Variants in KIAA1191 observed in about 807,000 individuals in gnomAD.
The protein encoded by KIAA1191 is KIAA1191, also known as putative monooxygenase p33MONOX.
In KIAA1191, 22 loss-of-function variants were observed where a neutral mutation model predicts 31.1. The observed-to-expected ratio is 0.71, with a 90% CI of 0.51 to 1.01. KIAA1191 has a LOEUF of 1.01. Ranked by LOEUF, KIAA1191 falls within the 50% of genes least tolerant of loss-of-function variation. KIAA1191 has a pLI of 0.00. For synonymous variants in KIAA1191, 130 were observed against 143.9 expected (o/e 0.90, Z 0.69); for missense variants, 319 against 388.0 (o/e 0.82, Z 1.49).
chr5:176,355,733 C>A lies in KIAA1191; in HGVS notation c.45G>T (p.Ala15=). 1.9e-6 allele frequency: 3 copies of A among 1,613,998 alleles called. No individual in the cohort carries two copies. Among genetic ancestry groups the A allele is most frequent in the South Asian group, 1.1e-5 (1 of 91,068 alleles). Residue 15 remains alanine (A), a synonymous_variant, in exon 4 of 9, where the codon GCG becomes GCT. Coordinates refer to ENST00000298569, the MANE Select transcript of KIAA1191 (RefSeq NM_020444.5). The surrounding 1 kb of genome is among the most constrained non-coding windows in gnomAD (Gnocchi z 4.2). ...QPEVPALEAS[A]PLGKMSLPIG... is the part of the protein sequence containing the mutation. ...TGGGCAGGGACATCTTGCCTAGAGG[C>A]GCACTAGCCTCAAGAGCTAAGAACA...
intron 1 of KIAA1191, among the ~76,000 whole-genome samples, chr5:176,360,187 C>T (rs1767876687): frequency 7.3e-6 from 1 of 137,160 alleles, no homozygotes; most frequent in South Asian, 2.3e-4. Flanking sequence ...GACGGAGTCT[C>T]ACTCTGTCGC....
At chr5:176,354,935 T>TA (rs1489581367) in intron 4 of KIAA1191, among the ~76,000 whole-genome samples, 1 of 107,564 alleles carries the variant, frequency 9.3e-6, no homozygotes, top group East Asian at 2.7e-4. Flanking sequence ...AGCTAAGACT[T>TA]AAAGGATACC....
Position 176,355,957 on chromosome 5 carries a change from A to C in KIAA1191, c.29-208T>G. 1 of 586,248 alleles carries C rather than the reference A, an allele frequency of 1.7e-6. No individual in the cohort carries two copies. 36.3% of individuals were successfully genotyped at this position (586,248 alleles called of 1,614,324 possible). On this transcript the variant is annotated intron_variant, in intron 3 of 8. Transcript: ENST00000298569. This position sits in a 1 kb window ranked among gnomAD's most constrained non-coding sequence, Gnocchi z 4.2. ...ACACCTTGGGTGGTCCACTTAACCC[A>C]CTCAGCCGTCCTAATCCTTTTTTTT...
At chr5:176,358,772 C>T (rs750296403) in intron 3 of KIAA1191, among the ~76,000 whole-genome samples, 5 of 151,782 alleles carry the variant, frequency 3.3e-5, no homozygotes, top group Non-Finnish European at 5.9e-5. Context: ...TTTGGGAGGC[C>T]GAGGCAGGCA....
At position 176,347,748 on chromosome 5, in the gene KIAA1191, C is replaced by A. The variant is rs202202440; in HGVS notation, c.770G>T (p.Arg257Leu). The A allele has an allele frequency of 1.1e-4, 183 of 1,610,108 alleles. No homozygotes were observed. The highest frequency in any genetic ancestry group is 1.5e-4 in the Non-Finnish European group (174 of 1,178,290). ...TTCAGCCATTCGGTTGGCCTGGGCACGTATCAGTTCCAATGGAGAGGGCTT... is the reference window on the plus strand; with the variant it reads ...TTCAGCCATTCGGTTGGCCTGGGCAAGTATCAGTTCCAATGGAGAGGGCTT... ...AQKPSPLELI[R>L]AQANRMAEDP... is the part of the protein sequence containing the mutation. The change falls in exon 9 of 9, where the codon CGT becomes CTT. Residue 257 changes from arginine (R) to leucine (L), a missense_variant. Physicochemically the swap from Arg to Leu is moderately radical, Grantham distance 102. Transcript: ENST00000298569.
At position 176,350,873 on chromosome 5, in the gene KIAA1191, A is replaced by G. The variant is rs918283537; in HGVS notation, c.335-136T>C. The stretch of plus-strand genomic sequence containing the variant: ...ATTCAAAGAAGAGGAGACTTTCCCC[A>G]GAGAGGCACCACAGCAGTAATTCTG... On this transcript the variant is annotated intron_variant, in intron 5 of 8. Transcript: ENST00000298569. 5 of 1,067,360 alleles carry G rather than the reference A, an allele frequency of 4.7e-6. No individual in the cohort carries two copies. In the African/African-American group the frequency reaches 7.9e-5, roughly 17 times the overall value. 66.1% of individuals were successfully genotyped at this position (1,067,360 alleles called of 1,614,324 possible). A position where few individuals can be genotyped will look rare whatever the true frequency, so the allele number is the denominator to read the frequency against.
rs745411554 is a variant in KIAA1191 at position 176,355,635 on chromosome 5, G to A, written c.143C>T (p.Ser48Leu). 8.7e-6 allele frequency: 14 copies of A among 1,612,682 alleles called. No homozygotes were observed. In the East Asian group the frequency reaches 8.9e-5, roughly 10 times the overall value. Residue 48 changes from serine to leucine, a missense_variant, in exon 4 of 9, where the codon TCG becomes TTG. By Grantham distance (145) the Ser-to-Leu change is moderately radical. Coordinates refer to ENST00000298569, the MANE Select transcript of KIAA1191 (RefSeq NM_020444.5). This position sits in a 1 kb window ranked among gnomAD's most constrained non-coding sequence, Gnocchi z 4.2. ...CTTCCAAGGGACGCTGCCCATGTCCGATGGAGGAGGAGTCATGGGCGCAGG... is the reference window on the plus strand; with the variant it reads ...CTTCCAAGGGACGCTGCCCATGTCCAATGGAGGAGGAGTCATGGGCGCAGG... ...EDPAPMTPPPSDMGSVPWKPV... is the reference protein window; with the variant it reads ...EDPAPMTPPPLDMGSVPWKPV...
At position 176,349,728 on chromosome 5, in the gene KIAA1191, C is replaced by T. The variant is rs115091779; in HGVS notation, c.459+885G>A. On this transcript the variant is annotated intron_variant, in intron 6 of 8. Coordinates refer to ENST00000298569, the MANE Select transcript of KIAA1191 (RefSeq NM_020444.5). ...AGGCCACCAGATCCGGGTTATTCCT[C>T]GTTATGTATAATGTATACCATGATT... Among the ~76,000 whole-genome samples, 560 of 152,288 alleles carry T rather than the reference C, an allele frequency of 3.7e-3. 3 individuals are homozygous for T. Among genetic ancestry groups the T allele is most frequent in the African/African-American group, 0.013 (532 of 41,564 alleles).
chr5:176,347,923 G>T lies in KIAA1191; in HGVS notation c.707C>A (p.Ser236Tyr). 6.2e-7 allele frequency: 1 copy of T among 1,614,152 alleles called. No homozygotes were observed. The highest frequency in any genetic ancestry group is 8.5e-7 in the Non-Finnish European group (1 of 1,180,028). ...CTTTTTTGAAGGTGCTGCCTTACCAGAATCGTACTTCTGAAGGGATCTCGG... is the reference window on the plus strand; with the variant it reads ...CTTTTTTGAAGGTGCTGCCTTACCATAATCGTACTTCTGAAGGGATCTCGG... ...FGPRSLQKYD[S>Y]GSFATQAYRG... The change falls in exon 8 of 9, where the codon TCT becomes TAT. Residue 236 changes from serine to tyrosine, a missense_variant and splice_region_variant. By Grantham distance (144) the Ser-to-Tyr change is moderately radical (BLOSUM62 -2). Transcript: ENST00000298569.
chr5:176,356,613 C>T (rs576982824), intron 3 of KIAA1191, among the ~76,000 whole-genome samples: 17 of 152,318 alleles, frequency 1.1e-4, no homozygotes, highest in East Asian at 1.9e-4. Context: ...CTGGAACTGA[C>T]GCCCAGCATG....
chr5:176,361,762 A>C lies in KIAA1191; in HGVS notation c.-328T>G, dbSNP rs528072278. On this transcript the variant is annotated 5_prime_UTR_variant, in exon 1 of 9. Transcript: ENST00000298569. This position sits in a 1 kb window ranked among gnomAD's most constrained non-coding sequence, Gnocchi z 4.0. The stretch of plus-strand genomic sequence containing the variant: ...TCCCCAAGACCCACTAGGTAGCAGT[A>C]CCACCCAGCGGGCAGGCAGCACTGC... 1 of 152,576 alleles carries C rather than the reference A, an allele frequency of 6.6e-6. No homozygotes were observed. The highest frequency in any genetic ancestry group is 1.5e-5 in the Non-Finnish European group (1 of 68,224). The allele number at this position is 152,576 out of a possible 1,614,324, so 9.5% of individuals were successfully genotyped here.
chr5:176,353,602 G>T (rs1474062254), intron 4 of KIAA1191: 2 of 152,236 alleles, frequency 1.3e-5, no homozygotes, highest in Admixed American at 1.3e-4. Context: ...TAAAACTTGA[G>T]CCTGTTTCCT....
intron 7 of KIAA1191, 79 bp from the exon 8 acceptor site, chr5:176,348,142 G>A (rs1766681440): frequency 3.4e-5 from 54 of 1,597,504 alleles, no homozygotes; most frequent in Non-Finnish European, 4.4e-5. Context: ...AAAGAACAGG[G>A]AACTATCCCT....
chr5:176,352,835 T>C (rs748873827), intron 4 of KIAA1191, 87 bp from the exon 5 acceptor site: 113 of 1,365,882 alleles, frequency 8.3e-5, no homozygotes, highest in Middle Eastern at 1.9e-4. Flanking sequence ...AGGAAGTTAC[T>C]GAAATAACAT....
intron 4 of KIAA1191, 80 bp from the exon 5 acceptor site, chr5:176,352,828 A>AAGTTACTGAAATAACATTAAAGGAG: frequency 7.1e-7 from 1 of 1,413,262 alleles, no homozygotes; most frequent in Non-Finnish European, 9.4e-7. Flanking sequence ...TTTGGGGAGG[A>AAGTTACTGAAATAACATTAAAGGAG]AGTTACTGAA....
chr5:176,349,717 G>A (rs1245272063), intron 6 of KIAA1191, among the ~76,000 whole-genome samples: 2 of 152,110 alleles, frequency 1.3e-5, no homozygotes, highest in Non-Finnish European at 2.9e-5. Flanking sequence ...CACCAGATCC[G>A]GGTTATTCCT....
At position 176,347,748 on chromosome 5, in the gene KIAA1191, C is replaced by G. The variant is rs202202440; in HGVS notation, c.770G>C (p.Arg257Pro). The part of the protein sequence containing the change: ...AQKPSPLELI[R>P]AQANRMAEDP... ...TTCAGCCATTCGGTTGGCCTGGGCACGTATCAGTTCCAATGGAGAGGGCTT... is the reference window on the plus strand; with the variant it reads ...TTCAGCCATTCGGTTGGCCTGGGCAGGTATCAGTTCCAATGGAGAGGGCTT... The change falls in exon 9 of 9, where the codon CGT becomes CCT. Residue 257 changes from arginine to proline, a missense_variant. By Grantham distance (103) the Arg-to-Pro change is moderately radical. Transcript: ENST00000298569. The G allele has an allele frequency of 6.2e-7, 1 of 1,610,108 alleles. No individual in the cohort carries two copies. Among genetic ancestry groups the G allele is most frequent in the East Asian group, 2.2e-5 (1 of 44,830 alleles).
chr5:176,358,814 G>T (rs974568283), intron 3 of KIAA1191, among the ~76,000 whole-genome samples: 5 of 152,200 alleles, frequency 3.3e-5, no homozygotes, highest in Admixed American at 6.5e-5. Flanking sequence ...GCCGGGCACG[G>T]TGGCTCACGC....
At chr5:176,359,665 A>G in intron 2 of KIAA1191, 98 bp from the exon 3 acceptor site, 1 of 653,280 alleles carries the variant, frequency 1.5e-6, no homozygotes, top group Non-Finnish European at 2.8e-6. Context: ...ACAAGGTTGA[A>G]ACACACATGC....
Sources: gnomAD v4.1 joint callset for allele counts (sites outside exome capture counted in the v4.1 genomes callset) on GRCh38, gnomAD v4.1.1 for gene constraint, Gnocchi (gnomAD v3.1) non-coding constraint, MANE v1.5 for transcripts, NCBI Gene and HGNC (gene_info 2026-07-23, HGNC 2026-07-21) for gene names.